Variants in MAGI3 observed in about 807,000 individuals in gnomAD.
MAGI3 encodes membrane-associated guanylate kinase, WW and PDZ domain-containing protein 3.
Under a neutral mutation model 121.8 loss-of-function variants are expected in MAGI3, and 43 were observed. The ratio of observed to expected loss-of-function variants is 0.35; its 90% CI spans 0.28 to 0.46. The LOEUF is 0.46. MAGI3 is among the 20% of genes least tolerant of loss of function. The probability of loss-of-function intolerance (pLI) is 1.00; values close to 1 mark genes in which losing one functional copy is unlikely to be tolerated. For synonymous variants in MAGI3, 553 were observed against 639.3 expected, an observed-to-expected ratio of 0.86 and a Z score of 2.04; for missense variants, 1,547 against 1,797.3, an observed-to-expected ratio of 0.86 and a Z score of 2.52.
intron 9 of MAGI3, among the ~76,000 whole-genome samples, chr1:113,626,978 A>G (rs1651278768): frequency 6.6e-6 from 1 of 151,378 alleles, no homozygotes; most frequent in Non-Finnish European, 1.5e-5. Context: ...ATTAATCTAG[A>G]GCTTAGTTTT....
chr1:113,628,548 G>T (rs1320584969), intron 9 of MAGI3, among the ~76,000 whole-genome samples: 1 of 152,086 alleles, frequency 6.6e-6, no homozygotes, highest in Non-Finnish European at 1.5e-5. Flanking sequence ...GCTCGTTAAT[G>T]TCCTTTTCTT....
At chr1:113,585,046 G>A (rs1570902454) in intron 3 of MAGI3, among the ~76,000 whole-genome samples, 1 of 142,302 alleles carries the variant, frequency 7.0e-6, no homozygotes, top group Non-Finnish European at 1.5e-5. Flanking sequence ...CAGCTCATTG[G>A]AACCTCTGCC....
chr1:113,578,578 A>G (rs1354932865), intron 2 of MAGI3, among the ~76,000 whole-genome samples: 1 of 151,984 alleles, frequency 6.6e-6, no homozygotes, highest in East Asian at 1.9e-4. Context: ...GCATCACTAT[A>G]CCTGGCTAAT....
At chr1:113,640,405 A>T (rs557597720) in intron 9 of MAGI3, among the ~76,000 whole-genome samples, 1 of 152,330 alleles carries the variant, frequency 6.6e-6, no homozygotes, top group South Asian at 2.1e-4. Context: ...AATATAAATC[A>T]TTCTACTATA....
chr1:113,594,465 A>T lies in MAGI3; in HGVS notation c.939-16A>T, dbSNP rs1472035592. ...CCTTTATTTTACTGTTTCTAATTAA[A>T]ATCTTTATTCTACAGCCACAATACC... On this transcript the variant is annotated splice_polypyrimidine_tract_variant and intron_variant, in intron 5 of 20. Transcript: ENST00000307546. 6.3e-7 allele frequency: 1 copy of T among 1,589,834 alleles called. No homozygotes were observed. Among genetic ancestry groups the T allele is most frequent in the African/African-American group, 1.4e-5 (1 of 73,404 alleles).
intron 1 of MAGI3, among the ~76,000 whole-genome samples, chr1:113,534,591 C>A (rs948350471): frequency 4.6e-5 from 7 of 152,124 alleles, no homozygotes; most frequent in Non-Finnish European, 7.4e-5. Context: ...CTTGTACATG[C>A]TTCTTAACTG....
At chr1:113,458,439 C>T (rs1273102019) in intron 1 of MAGI3, among the ~76,000 whole-genome samples, 1 of 152,068 alleles carries the variant, frequency 6.6e-6, no homozygotes, top group Non-Finnish European at 1.5e-5. Context: ...TCTCAGTATC[C>T]CCCGGAAGTC....
Position 113,683,937 on chromosome 1 carries a change from A to G in MAGI3, c.4369A>G (p.Ile1457Val). Residue 1457 changes from isoleucine to valine, a missense_variant, in exon 21 of 21, where the codon ATA (isoleucine) becomes GTA (valine). By Grantham distance (29) the Ile-to-Val change is conservative (BLOSUM62 3). Coordinates refer to ENST00000307546, the MANE Select transcript of MAGI3 (RefSeq NM_001142782.2). ...CAGTTCTCCAGTTAAGAAAACACTG[A>G]TAACTCCAGGGCCCTGGAAGGTTCC... ...ESSSPVKKTL[I>V]TPGPWKVPSG... 3 of 1,610,234 alleles carry G rather than the reference A, an allele frequency of 1.9e-6. No individual in the cohort carries two copies. Among genetic ancestry groups the G allele is most frequent in the Non-Finnish European group, 2.5e-6 (3 of 1,178,182 alleles).
intron 5 of MAGI3, among the ~76,000 whole-genome samples, chr1:113,592,596 T>A (rs558054343): frequency 9.1e-4 from 139 of 152,004 alleles, no homozygotes; most frequent in Middle Eastern, 3.4e-3. Context: ...TTTTCTAAAA[T>A]TTTTTTTTAA....
intron 1 of MAGI3, among the ~76,000 whole-genome samples, chr1:113,455,257 C>G (rs932314448): frequency 6.6e-6 from 1 of 152,068 alleles, no homozygotes; most frequent in Admixed American, 6.5e-5. Context: ...AAAAGAGGAT[C>G]AGGGAGAGAT....
At chr1:113,680,950 CTTAG>C (rs901747702) in intron 19 of MAGI3, among the ~76,000 whole-genome samples, 10 of 152,098 alleles carry the variant, frequency 6.6e-5, no homozygotes, top group East Asian at 1.9e-4. Context: ...ATGTCCAGAT[CTTAG>C]TTAGTAGCCA....
intron 20 of MAGI3, chr1:113,682,165 T>TA (rs1402965825): frequency 1.3e-6 from 2 of 1,565,506 alleles, no homozygotes; most frequent in Non-Finnish European, 1.7e-6. Flanking sequence ...CACTGATTTT[T>TA]TTTTTTTTTT....
At chr1:113,550,218 A>G (rs1659712344) in intron 2 of MAGI3, among the ~76,000 whole-genome samples, 1 of 150,508 alleles carries the variant, frequency 6.6e-6, no homozygotes, top group Non-Finnish European at 1.5e-5. Flanking sequence ...AGACCATCTT[A>G]GCTAACACGG....
intron 2 of MAGI3, among the ~76,000 whole-genome samples, chr1:113,554,988 T>C (rs377280362): frequency 4.2e-4 from 63 of 151,802 alleles, no homozygotes; most frequent in South Asian, 2.5e-3. Flanking sequence ...ATAAAAATTT[T>C]TGAAAAAGAA....
rs150230565 is a variant in MAGI3, at chr1:113,597,687, G to C, written c.1018+3127G>C. 1.1e-3 allele frequency among the ~76,000 whole-genome samples: 166 copies of C among 152,304 alleles called. 1 individual carries two copies. Among genetic ancestry groups the C allele is most frequent in the African/African-American group, 3.9e-3 (161 of 41,576 alleles). ...TCAGCAGAAACCTTACATGCCAGAA[G>C]GGATTGGAGTTCTATCTTTAACCAC... On this transcript the variant is annotated intron_variant, in intron 6 of 20. Transcript: ENST00000307546.
rs1486661141 is a variant in MAGI3 at position 113,449,968 on chromosome 1, C to G, written c.316+58619C>G. On this transcript the variant is annotated intron_variant, in intron 1 of 20. Transcript: ENST00000307546. ...GTAGTGGAACCAAAGACAGCTGTTT[C>G]TAGAGAGGATTCTGTAAAGCCTGGT... 10 of 1,558,892 alleles carry G rather than the reference C, an allele frequency of 6.4e-6. No individual in the cohort carries two copies. The Admixed American group carries it at 1.3e-4, about 21-fold the overall frequency.
intron 1 of MAGI3, among the ~76,000 whole-genome samples, chr1:113,468,179 T>TG (rs1381845598): frequency 6.6e-6 from 1 of 152,304 alleles, no homozygotes; most frequent in East Asian, 1.9e-4. Flanking sequence ...AGCCAGTCTT[T>TG]GCCTTTTAAT....
chr1:113,560,172 C>T (rs1245309945), intron 2 of MAGI3, among the ~76,000 whole-genome samples: 3 of 152,134 alleles, frequency 2.0e-5, no homozygotes, highest in Admixed American at 2.0e-4. Context: ...TCATAACAAT[C>T]TCTCAGACCA....
chr1:113,419,833 G>A lies in MAGI3; in HGVS notation c.316+28484G>A, dbSNP rs186342813. ...GCTGCATTCCTTCTGGAGGCGCTAG[G>A]GAAGAATCCATTTTCTTGCCTTTTT... is the stretch of plus-strand genomic sequence containing the variant. On this transcript the variant is annotated intron_variant, in intron 1 of 20. Coordinates refer to ENST00000307546, the MANE Select transcript of MAGI3 (RefSeq NM_001142782.2). 1.6e-3 allele frequency among the ~76,000 whole-genome samples: 240 copies of A among 152,184 alleles called. 2 individuals are homozygous for A. Among genetic ancestry groups the A allele is most frequent in the Non-Finnish European group, 2.1e-3 (140 of 67,986 alleles).
Sources: allele counts gnomAD v4.1 joint callset (sites outside exome capture counted in the v4.1 genomes callset), GRCh38; gene constraint gnomAD v4.1.1; transcripts MANE v1.5; gene names NCBI Gene and HGNC (gene_info 2026-07-23, HGNC 2026-07-21).